The following TTLL3 variants were observed in gnomAD, a reference collection of about 807,000 sequenced individuals.
The protein encoded by TTLL3 is tubulin monoglycylase TTLL3.
Under a neutral mutation model 75.2 loss-of-function variants are expected in TTLL3, and 63 were observed. The observed-to-expected ratio is 0.84, with a 90% CI of 0.68 to 1.03. The LOEUF is 1.03. TTLL3 is among the 50% of genes least tolerant of loss of function. The pLI, the probability that TTLL3 is intolerant of heterozygous loss-of-function variation, is 0.00. For missense variants in TTLL3, 997 were observed against 1,069.9 expected (o/e 0.93, Z 0.95); for synonymous variants, 393 against 418.5 (o/e 0.94, Z 0.74).
chr3:9,834,661 A>C lies in TTLL3; in HGVS notation c.1826-20A>C. 1 of 1,613,622 alleles carries C rather than the reference A, an allele frequency of 6.2e-7. No individual in the cohort carries two copies. The highest frequency in any genetic ancestry group is 8.5e-7 in the Non-Finnish European group (1 of 1,179,850). ...CTTGGGCCCCACCCCAGGGCCTCACAGCTTCTCTTGCTCCCACAGCCCGTC... is the reference window on the plus strand; with the variant it reads ...CTTGGGCCCCACCCCAGGGCCTCACCGCTTCTCTTGCTCCCACAGCCCGTC... On this transcript the variant is annotated intron_variant, in intron 12 of 13. Coordinates refer to ENST00000685419, the MANE Select transcript of TTLL3 (RefSeq NM_001387446.1).
intron 2 of TTLL3, among the ~76,000 whole-genome samples, chr3:9,812,418 G>C (rs1335843064): frequency 6.6e-6 from 1 of 152,200 alleles, no homozygotes; most frequent in Non-Finnish European, 1.5e-5. Flanking sequence ...GGGAGGCTGA[G>C]GCAGGAGAAT....
At chr3:9,826,188 T>G (rs184593329) in intron 9 of TTLL3, among the ~76,000 whole-genome samples, 5 of 152,292 alleles carry the variant, frequency 3.3e-5, no homozygotes, top group Admixed American at 3.3e-4. Context: ...TTAAATGCAG[T>G]CATGCAGCTA....
At chr3:9,810,051 G>A, upstream of TTLL3, 1 of 1,353,962 alleles carries the variant, frequency 7.4e-7, no homozygotes, top group Non-Finnish European at 9.4e-7. The surrounding 1 kb of genome is among the most constrained non-coding windows in gnomAD (Gnocchi z 4.4). Flanking sequence ...CGAGGGAGCT[G>A]GGGCCCGGGC....
intron 6 of TTLL3, chr3:9,818,034 T>C: frequency 2.9e-6 from 1 of 342,796 alleles, no homozygotes; most frequent in Non-Finnish European, 5.4e-6. Context: ...GAGTTTGGAA[T>C]CCAGAACAGA....
rs903112176 is a variant in TTLL3, at chr3:9,810,564, C to G, written c.-41-57C>G. Reference sequence around the variant, plus strand: ...ATGGGCGGCCAGAAAAGATCCTAGGCCGAGACCCTAGGCCCAGCCTCAGTG... The same window carrying G: ...ATGGGCGGCCAGAAAAGATCCTAGGGCGAGACCCTAGGCCCAGCCTCAGTG... On this transcript the variant is annotated intron_variant, in intron 1 of 13. Transcript: ENST00000685419. The surrounding 1 kb of genome is among the most constrained non-coding windows in gnomAD (Gnocchi z 4.4). 1 of 1,524,134 alleles carries G rather than the reference C, an allele frequency of 6.6e-7. No individual in the cohort carries two copies. The highest frequency in any genetic ancestry group is 2.5e-5 in the East Asian group (1 of 40,166). 94.4% of individuals were successfully genotyped at this position (1,524,134 alleles called of 1,614,324 possible). A position where few individuals can be genotyped will look rare whatever the true frequency, so the allele number is the denominator to read the frequency against.
At chr3:9,809,962 G>GCGCGGGATCAGGGGCCCTGGGAGGGCGGT, upstream of TTLL3, 1 of 1,294,132 alleles carries the variant, frequency 7.7e-7, no homozygotes, top group Non-Finnish European at 9.7e-7. Flanking sequence ...ACGCGGAGGG[G>GCGCGGGATCAGGGGCCCTGGGAGGGCGGT]CGCGGGATCA....
At chr3:9,815,516 G>A (rs1469763737) in intron 4 of TTLL3, among the ~76,000 whole-genome samples, 1 of 152,224 alleles carries the variant, frequency 6.6e-6, no homozygotes, top group Non-Finnish European at 1.5e-5. Flanking sequence ...AGAGAGGTGG[G>A]GTCCATGAGA....
intron 4 of TTLL3, among the ~76,000 whole-genome samples, chr3:9,815,824 C>A (rs1346869462): frequency 6.6e-6 from 1 of 152,242 alleles, no homozygotes; most frequent in African/African-American, 2.4e-5. Context: ...CAAAGGGAGG[C>A]AGAAGAGAGT....
intron 8 of TTLL3, among the ~76,000 whole-genome samples, chr3:9,823,402 GTTT>G (rs60013146): frequency 8.0e-6 from 1 of 124,994 alleles, no homozygotes; most frequent in Non-Finnish European, 1.6e-5. Flanking sequence ...CAAACAGCCA[GTTT>G]TTTTTTTTTT....
intron 6 of TTLL3, 158 bp from the exon 7 acceptor site, chr3:9,818,664 A>G: frequency 2.7e-6 from 4 of 1,493,874 alleles, no homozygotes; most frequent in Non-Finnish European, 3.6e-6. Flanking sequence ...CACCGTGACC[A>G]GCCTGAAACA....
chr3:9,825,840 C>T lies in TTLL3; in HGVS notation c.895C>T (p.Arg299Cys), dbSNP rs778319691. 1.6e-5 allele frequency: 26 copies of T among 1,614,020 alleles called. No individual in the cohort carries two copies. The highest frequency in any genetic ancestry group is 5.0e-5 in the Admixed American group (3 of 60,000). ...ELRHLDTQVQ[R>C]CEDILQQLQA... ...CAGGCACCTCGACACTCAGGTCCAG[C>T]GCTGTGAGGACATCCTGCAGCAGCT... Residue 299 changes from arginine (R) to cysteine (C), a missense_variant, in exon 9 of 14, where the codon CGC becomes TGC. Physicochemically the swap from Arg to Cys is radical, Grantham distance 180 (BLOSUM62 -3). Transcript: ENST00000685419.
chr3:9,823,809 G>A (rs2080753540), intron 8 of TTLL3, among the ~76,000 whole-genome samples: 1 of 152,254 alleles, frequency 6.6e-6, no homozygotes, highest in Non-Finnish European at 1.5e-5. Flanking sequence ...CCCCTGAACA[G>A]GAGGCTCCCG....
chr3:9,812,721 G>A, intron 2 of TTLL3: 1 of 440,118 alleles, frequency 2.3e-6, no homozygotes, highest in African/African-American at 2.0e-5. Flanking sequence ...GCATGTAAGT[G>A]CTCAGCATGT....
At position 9,835,346 on chromosome 3, in the gene TTLL3, C is replaced by T. The variant is rs373552783; in HGVS notation, c.2305C>T (p.Arg769Ter). 24 of 1,613,670 alleles carry T rather than the reference C, an allele frequency of 1.5e-5. No individual in the cohort carries two copies. Among genetic ancestry groups the T allele is most frequent in the Admixed American group, 3.3e-5 (2 of 60,010 alleles). The stretch of plus-strand genomic sequence containing the variant: ...TATGAAGCTAGGGAAGCCCCTGCTT[C>T]GATTCCCCACTGCCCTTGTCCTGGA... ...GDMKLGKPLL[R>*]FPTALVLDPT... is the part of the protein sequence containing the mutation. The change falls in exon 14 of 14, where the codon CGA (arginine) becomes TGA (stop). Residue 769 changes from arginine to a stop codon, truncating the protein, a stop_gained. Coordinates refer to ENST00000685419, the MANE Select transcript of TTLL3 (RefSeq NM_001387446.1). LOFTEE classifies it low-confidence loss of function (END_TRUNC).
chr3:9,815,680 G>T (rs1234054416), intron 4 of TTLL3, among the ~76,000 whole-genome samples: 1 of 152,250 alleles, frequency 6.6e-6, no homozygotes, highest in Non-Finnish European at 1.5e-5. Flanking sequence ...TGCCCCCTCA[G>T]CAGCTATCTC....
intron 8 of TTLL3, among the ~76,000 whole-genome samples, chr3:9,822,915 A>G (rs2080616351): frequency 6.7e-6 from 1 of 149,008 alleles, no homozygotes; most frequent in Admixed American, 6.7e-5. Context: ...GGCCTAATTC[A>G]TTCAATATTT....
intron 5 of TTLL3, among the ~76,000 whole-genome samples, chr3:9,816,966 A>G (rs2079930843): frequency 6.6e-6 from 1 of 152,094 alleles, no homozygotes; most frequent in South Asian, 2.1e-4. Flanking sequence ...ATTCTAGAGG[A>G]AGCAGCTCTT....
At chr3:9,815,940 G>A in intron 4 of TTLL3, 134 bp from the exon 5 acceptor site, 1 of 850,398 alleles carries the variant, frequency 1.2e-6, no homozygotes, top group Non-Finnish European at 1.6e-6. Context: ...AAGATGATGT[G>A]TGGGCTAGAG....
intron 8 of TTLL3, among the ~76,000 whole-genome samples, chr3:9,823,107 G>A (rs2080639220): frequency 6.6e-6 from 1 of 151,868 alleles, no homozygotes; most frequent in Non-Finnish European, 1.5e-5. Context: ...AGCAGGGCCG[G>A]GCACGGTGGC....
Sources: allele counts gnomAD v4.1 joint callset (sites outside exome capture counted in the v4.1 genomes callset), GRCh38; gene constraint gnomAD v4.1.1; non-coding constraint Gnocchi (gnomAD v3.1); transcripts MANE v1.5; gene names NCBI Gene and HGNC (gene_info 2026-07-23, HGNC 2026-07-21).